Variants in CYB5B observed in about 807,000 individuals in gnomAD.
CYB5B encodes cytochrome b5 type B, also known as cytochrome b5 type B (outer mitochondrial membrane).
CYB5B carries 14 observed loss-of-function variants against 21.3 expected under a neutral mutation model. That is an observed-to-expected ratio of 0.66 (90% CI 0.43 to 1.03). CYB5B has a LOEUF of 1.03. CYB5B is among the 50% of genes least tolerant of loss of function. CYB5B has a pLI of 0.00. For synonymous variants in CYB5B, 69 were observed against 68.4 expected (o/e 1.01, Z -0.04); for missense variants, 166 against 185.1 (o/e 0.90, Z 0.60).
intron 1 of CYB5B, among the ~76,000 whole-genome samples, chr16:69,442,939 A>C (rs2014840035): frequency 6.6e-6 from 1 of 151,204 alleles, no homozygotes; most frequent in African/African-American, 2.4e-5. Context: ...GTCTTCAAAA[A>C]ATAGAGGCTT....
rs1257292392 is a variant in CYB5B, at chr16:69,459,124, T to A, written c.362+3T>A. On this transcript the variant is annotated splice_donor_region_variant and intron_variant, in intron 4 of 4. Transcript: ENST00000307892. Reference sequence around the variant, plus strand: ...TCAAAAAATGATACATGCAAAAGGTTAGTATCTCCTTAACAGCTTTCCATA... The same window carrying A: ...TCAAAAAATGATACATGCAAAAGGTAAGTATCTCCTTAACAGCTTTCCATA... 5 of 1,607,290 alleles carry A rather than the reference T, an allele frequency of 3.1e-6. No individual in the cohort carries two copies. The highest frequency in any genetic ancestry group is 4.2e-6 in the Non-Finnish European group (5 of 1,177,942).
chr16:69,456,079 G>T (rs1467857917), intron 3 of CYB5B, among the ~76,000 whole-genome samples: 1 of 151,998 alleles, frequency 6.6e-6, no homozygotes, highest in Non-Finnish European at 1.5e-5. Flanking sequence ...TTCTATTCAG[G>T]TATTACAAAA....
rs35466498 is a variant in CYB5B at position 69,465,970 on chromosome 16, A to AC, written c.*3453dup. The AC allele has an allele frequency of 6.6e-6, 1 of 152,554 alleles. No homozygotes were observed. The highest frequency in any genetic ancestry group is 1.5e-5 in the Non-Finnish European group (1 of 68,030). 9.5% of individuals were successfully genotyped at this position (152,554 alleles called of 1,614,324 possible). Reference sequence around the variant, plus strand: ...AGCAGAGGCATTTGTCAAGTTACCTACCCTATATCCAGCATCCTCCTCATG... The same window carrying AC: ...AGCAGAGGCATTTGTCAAGTTACCTACCCCTATATCCAGCATCCTCCTCATG... On this transcript the variant is annotated 3_prime_UTR_variant, in exon 5 of 5. Transcript: ENST00000307892.
chr16:69,447,044 C>G lies in CYB5B; in HGVS notation c.175-106C>G, dbSNP rs1376791773. 3 of 1,327,318 alleles carry G rather than the reference C, an allele frequency of 2.3e-6. No individual in the cohort carries two copies. In the African/African-American group the frequency reaches 4.4e-5, roughly 19 times the overall value. 82.2% of individuals were successfully genotyped at this position (1,327,318 alleles called of 1,614,324 possible). ...AGGCACCACACAATGTCAATTTGTT[C>G]CATTATTTCTATTAAAGGGAGAAAG... On this transcript the variant is annotated intron_variant, in intron 1 of 4. Transcript: ENST00000307892.
At chr16:69,434,004 T>C (rs1401921461) in intron 1 of CYB5B, among the ~76,000 whole-genome samples, 2 of 152,200 alleles carry the variant, frequency 1.3e-5, no homozygotes, top group Non-Finnish European at 2.9e-5. Flanking sequence ...AATAAAAATA[T>C]GGTATTATAA....
intron 3 of CYB5B, 97 bp from the exon 4 acceptor site, chr16:69,458,996 G>C: frequency 8.8e-7 from 1 of 1,131,056 alleles, no homozygotes; most frequent in South Asian, 1.5e-5. Context: ...ATCAGTTACA[G>C]GGTTGACATA....
intron 3 of CYB5B, among the ~76,000 whole-genome samples, chr16:69,450,674 G>C (rs1655126097): frequency 6.6e-6 from 1 of 152,024 alleles, no homozygotes; most frequent in Admixed American, 6.6e-5. Context: ...TACTTTATCT[G>C]GTTTAAACAT....
At position 69,465,828 on chromosome 16, in the gene CYB5B, T is replaced by C. The variant is rs3743670; in HGVS notation, c.*3308T>C. The C allele has an allele frequency of 0.85, 129,288 of 152,262 alleles. 55,250 individuals carry two copies. The highest frequency in any genetic ancestry group is 0.94 in the African/African-American group (38,941 of 41,566). 9.4% of individuals were successfully genotyped at this position (152,262 alleles called of 1,614,324 possible). A position where few individuals can be genotyped will look rare whatever the true frequency, so the allele number is the denominator to read the frequency against. ...AAATTGATTTTTTTTTAAACTATCT[T>C]ATTCTGTTGCCAAATATCACAGAAG... On this transcript the variant is annotated 3_prime_UTR_variant, in exon 5 of 5. Coordinates refer to ENST00000307892, the MANE Select transcript of CYB5B (RefSeq NM_030579.3).
At chr16:69,430,902 A>G (rs996300532) in intron 1 of CYB5B, among the ~76,000 whole-genome samples, 1 of 150,612 alleles carries the variant, frequency 6.6e-6, no homozygotes, top group Non-Finnish European at 1.5e-5. Context: ...TGAACTCCTG[A>G]CCTCCGGTGA....
chr16:69,435,072 C>T (rs747369868), intron 1 of CYB5B, among the ~76,000 whole-genome samples: 92 of 151,788 alleles, frequency 6.1e-4, no homozygotes, highest in Non-Finnish European at 2.1e-4. Flanking sequence ...TTTCTAGTGG[C>T]TGGGTATTAG....
At chr16:69,452,871 C>T (rs1031458314) in intron 3 of CYB5B, among the ~76,000 whole-genome samples, 5 of 151,122 alleles carry the variant, frequency 3.3e-5, no homozygotes, top group Non-Finnish European at 5.9e-5. Context: ...TGGTGGTGCA[C>T]ACCTGTCGTC....
intron 1 of CYB5B, among the ~76,000 whole-genome samples, chr16:69,436,984 A>T (rs2014766682): frequency 6.6e-6 from 1 of 152,228 alleles, no homozygotes; most frequent in South Asian, 2.1e-4. Context: ...CTCTCCAAAA[A>T]TACTTAGTAA....
At chr16:69,426,050 A>G (rs931018924) in intron 1 of CYB5B, among the ~76,000 whole-genome samples, 10 of 152,218 alleles carry the variant, frequency 6.6e-5, no homozygotes, top group African/African-American at 2.4e-4. Context: ...AATTTAACAA[A>G]CTCAGAATTT....
chr16:69,434,217 C>T (rs2014735680), intron 1 of CYB5B, among the ~76,000 whole-genome samples: 1 of 152,156 alleles, frequency 6.6e-6, no homozygotes, highest in Non-Finnish European at 1.5e-5. Context: ...TGATTTGTAA[C>T]TTATGATTTC....
chr16:69,427,527 T>G (rs1335098721), intron 1 of CYB5B, among the ~76,000 whole-genome samples: 1 of 149,210 alleles, frequency 6.7e-6, no homozygotes, highest in Non-Finnish European at 1.5e-5. Flanking sequence ...TACCTGCAGT[T>G]TTGTTTTTTT....
chr16:69,428,744 GTGCCGAGA>G (rs1296346398), intron 1 of CYB5B, among the ~76,000 whole-genome samples: 12 of 152,248 alleles, frequency 7.9e-5, no homozygotes, highest in Non-Finnish European at 1.3e-4. Context: ...TTTAGCGATG[GTGCCGAGA>G]TAACTTTATG....
intron 1 of CYB5B, among the ~76,000 whole-genome samples, chr16:69,429,019 G>A (rs2014677246): frequency 6.6e-6 from 1 of 152,180 alleles, no homozygotes. Flanking sequence ...ATTCTGAGAT[G>A]GGAAATCATT....
chr16:69,433,474 G>C (rs1478860253), intron 1 of CYB5B, among the ~76,000 whole-genome samples: 1 of 151,638 alleles, frequency 6.6e-6, no homozygotes, highest in Admixed American at 6.6e-5. Flanking sequence ...TCTGTGTCTT[G>C]CCTTTTTCAC....
chr16:69,438,639 G>T (rs1172330281), intron 1 of CYB5B, among the ~76,000 whole-genome samples: 2 of 151,278 alleles, frequency 1.3e-5, no homozygotes, highest in Non-Finnish European at 2.9e-5. Context: ...GTCCCTTTCT[G>T]ACAGAATTCA....
Sources: gnomAD v4.1 joint callset for allele counts (sites outside exome capture counted in the v4.1 genomes callset) on GRCh38, gnomAD v4.1.1 for gene constraint, MANE v1.5 for transcripts, NCBI Gene and HGNC (gene_info 2026-07-23, HGNC 2026-07-21) for gene names.